EPHB1: variants seen among roughly 807,000 people sequenced by gnomAD.
EPHB1 encodes the protein ephrin type-B receptor 1.
EPHB1 carries 30 observed loss-of-function variants against 94.4 expected under a neutral mutation model. That is an observed-to-expected ratio of 0.32 (90% CI 0.24 to 0.43). The LOEUF is 0.43. EPHB1 is among the 20% of genes least tolerant of loss of function. The pLI, the probability that EPHB1 is intolerant of heterozygous loss-of-function variation, is 1.00. For missense variants in EPHB1, 1,055 were observed against 1,308.3 expected, an observed-to-expected ratio of 0.81 and a Z score of 2.99; for synonymous variants, 522 against 489.1, an observed-to-expected ratio of 1.07 and a Z score of -0.89.
chr3:135,259,387 A>G lies in EPHB1; in HGVS notation c.*267A>G, dbSNP rs1318556517. The G allele has an allele frequency of 6.9e-6, 2 of 290,814 alleles. No homozygotes were observed. Among genetic ancestry groups the G allele is most frequent in the Non-Finnish European group, 1.3e-5 (2 of 155,542 alleles). The allele number at this position is 290,814 out of a possible 1,614,324, so 18.0% of individuals were successfully genotyped here. ...TCAACAGAAGTGAAGACAAAACAATATGCATCAGGAGAACAAGAGTAAACC... is the reference window on the plus strand; with the variant it reads ...TCAACAGAAGTGAAGACAAAACAATGTGCATCAGGAGAACAAGAGTAAACC... On this transcript the variant is annotated 3_prime_UTR_variant, in exon 16 of 16. Coordinates refer to ENST00000398015, the MANE Select transcript of EPHB1 (RefSeq NM_004441.5).
At chr3:134,886,737 A>C (rs2037870485) in intron 1 of EPHB1, among the ~76,000 whole-genome samples, 3 of 152,204 alleles carry the variant, frequency 2.0e-5, no homozygotes, top group Admixed American at 6.5e-5. Flanking sequence ...AGCTCACAGC[A>C]ACCCTAGGTT....
intron 3 of EPHB1, among the ~76,000 whole-genome samples, chr3:135,000,020 G>A (rs1354524608): frequency 6.6e-6 from 1 of 152,148 alleles, no homozygotes; most frequent in Non-Finnish European, 1.5e-5. Flanking sequence ...TGGGTCCTCT[G>A]GTCCCCAGGC....
Position 135,182,657 on chromosome 3 carries a change from C to T in EPHB1, c.1882+2675C>T, listed in dbSNP as rs115625525. On this transcript the variant is annotated intron_variant, in intron 10 of 15. Coordinates refer to ENST00000398015, the MANE Select transcript of EPHB1 (RefSeq NM_004441.5). ...TGCAAAGAATGACCTTTGGCCTGAGCCTTCAAGGATAAACACTAGTAGAAA... is the reference window on the plus strand; with the variant it reads ...TGCAAAGAATGACCTTTGGCCTGAGTCTTCAAGGATAAACACTAGTAGAAA... 4.8e-3 allele frequency among the ~76,000 whole-genome samples: 736 copies of T among 151,858 alleles called. 6 individuals are homozygous for T. The highest frequency in any genetic ancestry group is 0.017 in the African/African-American group (690 of 41,536).
intron 9 of EPHB1, among the ~76,000 whole-genome samples, chr3:135,168,198 T>C (rs1214392613): frequency 6.6e-6 from 1 of 152,218 alleles, no homozygotes; most frequent in Admixed American, 6.5e-5. Flanking sequence ...CCCAAGCCCC[T>C]GGCAGCTGGG....
intron 3 of EPHB1, among the ~76,000 whole-genome samples, chr3:134,962,318 T>C (rs1933551158): frequency 6.6e-6 from 1 of 152,148 alleles, no homozygotes; most frequent in South Asian, 2.1e-4. Context: ...CTGCAGGTGG[T>C]TCGGGTATGG....
At chr3:134,990,679 T>G (rs576937062) in intron 3 of EPHB1, among the ~76,000 whole-genome samples, 15 of 152,256 alleles carry the variant, frequency 9.9e-5, no homozygotes, top group Non-Finnish European at 1.9e-4. Flanking sequence ...TGGTATAATC[T>G]GTGCTCATTC....
chr3:134,823,171 A>C (rs543455986), intron 1 of EPHB1, among the ~76,000 whole-genome samples: 3 of 152,334 alleles, frequency 2.0e-5, no homozygotes, highest in Admixed American at 2.0e-4. Context: ...AAAGCCATTA[A>C]GTCACTCAGA....
intron 1 of EPHB1, among the ~76,000 whole-genome samples, chr3:134,845,896 AC>A (rs1321428997): frequency 6.6e-6 from 1 of 152,088 alleles, no homozygotes; most frequent in East Asian, 1.9e-4. Flanking sequence ...AACTTGAACT[AC>A]CCACACAATA....
chr3:135,181,818 C>A (rs1195909052), intron 10 of EPHB1, among the ~76,000 whole-genome samples: 1 of 152,154 alleles, frequency 6.6e-6, no homozygotes, highest in East Asian at 1.9e-4. Context: ...TCCTTCACCT[C>A]CATTTGTGTG....
intron 3 of EPHB1, among the ~76,000 whole-genome samples, chr3:135,076,642 A>G (rs1397162195): frequency 1.3e-5 from 2 of 152,232 alleles, no homozygotes; most frequent in Non-Finnish European, 2.9e-5. Flanking sequence ...ACTTGCATGC[A>G]GATATTCACA....
Position 134,977,351 on chromosome 3 carries a change from C to G in EPHB1, c.805+25299C>G, listed in dbSNP as rs187259665. On this transcript the variant is annotated intron_variant, in intron 3 of 15. Transcript: ENST00000398015. ...AATCCATCTTCACGAAGAATGGACTCCTGCATCCTGCATTCCTTTAATTCT... is the reference window on the plus strand; with the variant it reads ...AATCCATCTTCACGAAGAATGGACTGCTGCATCCTGCATTCCTTTAATTCT... Among the ~76,000 whole-genome samples, 731 of 152,344 alleles carry G rather than the reference C, an allele frequency of 4.8e-3. 3 individuals carry two copies. The highest frequency in any genetic ancestry group is 8.3e-3 in the Non-Finnish European group (564 of 68,036).
chr3:135,201,695 T>C lies in EPHB1; in HGVS notation c.2346+6T>C. ...CCACCTACACCAGCTCCTTGGTGAG[T>C]CCTTCTTGGCATTCTCAAGTAGAAG... On this transcript the variant is annotated splice_donor_region_variant and intron_variant, in intron 12 of 15. Coordinates refer to ENST00000398015, the MANE Select transcript of EPHB1 (RefSeq NM_004441.5). The C allele has an allele frequency of 6.2e-7, 1 of 1,612,320 alleles. No homozygotes were observed. Among genetic ancestry groups the C allele is most frequent in the Non-Finnish European group, 8.5e-7 (1 of 1,178,944 alleles).
intron 11 of EPHB1, among the ~76,000 whole-genome samples, chr3:135,196,181 T>G (rs1190462820): frequency 6.6e-6 from 1 of 152,010 alleles, no homozygotes; most frequent in Non-Finnish European, 1.5e-5. Context: ...TTGATGGGGT[T>G]GTTTGTTTTT....
At chr3:135,052,678 G>A (rs1343752425) in intron 3 of EPHB1, among the ~76,000 whole-genome samples, 2 of 150,508 alleles carry the variant, frequency 1.3e-5, no homozygotes, top group Admixed American at 6.6e-5. Context: ...TGGCTAACAC[G>A]GTGAGACCCC....
chr3:135,017,407 C>G (rs573801752), intron 3 of EPHB1, among the ~76,000 whole-genome samples: 1 of 152,082 alleles, frequency 6.6e-6, no homozygotes, highest in Non-Finnish European at 1.5e-5. Context: ...AAATAGTGTG[C>G]GTGTGTGAGT....
At chr3:135,220,404 C>G (rs942331243) in intron 12 of EPHB1, among the ~76,000 whole-genome samples, 2 of 152,084 alleles carry the variant, frequency 1.3e-5, no homozygotes, top group African/African-American at 4.8e-5. Context: ...GAGTAAGAAA[C>G]AGGAAAGGAA....
chr3:134,803,438 C>T (rs1355700355), intron 1 of EPHB1, among the ~76,000 whole-genome samples: 3 of 152,116 alleles, frequency 2.0e-5, no homozygotes, highest in African/African-American at 7.2e-5. Context: ...GCCATGTAAG[C>T]CTGAGGGAGC....
intron 1 of EPHB1, among the ~76,000 whole-genome samples, chr3:134,865,402 A>G (rs931908837): frequency 2.0e-5 from 3 of 152,156 alleles, no homozygotes; most frequent in African/African-American, 7.2e-5. Flanking sequence ...GTAAATTAGC[A>G]CAGTTCTTAA....
intron 6 of EPHB1, among the ~76,000 whole-genome samples, chr3:135,161,427 A>G (rs1246224997): frequency 6.6e-6 from 1 of 152,198 alleles, no homozygotes; most frequent in Non-Finnish European, 1.5e-5. Flanking sequence ...TGAGGGCAGA[A>G]GTAGGTGTGG....
Sources: gnomAD v4.1 joint callset for allele counts (sites outside exome capture counted in the v4.1 genomes callset) on GRCh38, gnomAD v4.1.1 for gene constraint, MANE v1.5 for transcripts, NCBI Gene and HGNC (gene_info 2026-07-23, HGNC 2026-07-21) for gene names.